The following ATP10A variants were observed in gnomAD, a reference collection of about 807,000 sequenced individuals.
ATP10A encodes the protein ATPase phospholipid transporting 10A (putative), also known as phospholipid-transporting ATPase VA.
A neutral mutation model predicts 147.8 loss-of-function variants in ATP10A; 111 were observed. The observed-to-expected ratio is 0.75, with a 90% CI of 0.64 to 0.88. The LOEUF is 0.88. Ranked by LOEUF, ATP10A falls within the 40% of genes least tolerant of loss-of-function variation. The pLI is 0.00. For synonymous variants in ATP10A, 875 were observed against 841.6 expected, an observed-to-expected ratio of 1.04 and a Z score of -0.69; for missense variants, 1,927 against 1,959.0, an observed-to-expected ratio of 0.98 and a Z score of 0.31.
chr15:25,801,650 C>T (rs898167218), intron 1 of ATP10A, among the ~76,000 whole-genome samples: 1 of 152,196 alleles, frequency 6.6e-6, no homozygotes, highest in African/African-American at 2.4e-5. Context: ...GGGACAGCTT[C>T]GCTTCAGGAA....
intron 2 of ATP10A, chr15:25,738,503 A>G (rs1887412195): frequency 6.6e-6 from 1 of 152,234 alleles, no homozygotes; most frequent in Admixed American, 6.5e-5. Context: ...ATGATAAAAA[A>G]TTTCATTTAC....
intron 9 of ATP10A, among the ~76,000 whole-genome samples, chr15:25,715,847 C>T (rs769207253): frequency 4.6e-5 from 7 of 152,258 alleles, no homozygotes; most frequent in Non-Finnish European, 7.4e-5. Context: ...CTGGGAGAGT[C>T]GGGGGCTGGG....
chr15:25,698,770 G>T (rs1900496480), intron 13 of ATP10A, among the ~76,000 whole-genome samples: 1 of 152,130 alleles, frequency 6.6e-6, no homozygotes, highest in Non-Finnish European at 1.5e-5. Flanking sequence ...TTTTGGATGG[G>T]TCTTTTGGGG....
At chr15:25,788,042 T>C (rs1890251920) in intron 1 of ATP10A, among the ~76,000 whole-genome samples, 1 of 152,136 alleles carries the variant, frequency 6.6e-6, no homozygotes. Flanking sequence ...TCAGGCTGAT[T>C]TGGTGGCTTT....
At chr15:25,830,553 C>T (rs1892311201) in intron 1 of ATP10A, among the ~76,000 whole-genome samples, 1 of 152,144 alleles carries the variant, frequency 6.6e-6, no homozygotes. Flanking sequence ...TGAACAGGCT[C>T]TCAGGAGGAG....
chr15:25,829,769 C>T (rs1336451339), intron 1 of ATP10A, among the ~76,000 whole-genome samples: 1 of 152,042 alleles, frequency 6.6e-6, no homozygotes, highest in East Asian at 1.9e-4. Flanking sequence ...TCCCAAGAGG[C>T]CAAGGCGTAG....
intron 1 of ATP10A, among the ~76,000 whole-genome samples, chr15:25,812,363 G>T (rs1891470894): frequency 6.6e-6 from 1 of 152,160 alleles, no homozygotes; most frequent in Non-Finnish European, 1.5e-5. Context: ...TTTCTACTTT[G>T]TAACACAGAG....
At chr15:25,803,125 G>A (rs1353824727) in intron 1 of ATP10A, among the ~76,000 whole-genome samples, 1 of 152,148 alleles carries the variant, frequency 6.6e-6, no homozygotes, top group Non-Finnish European at 1.5e-5. Context: ...TCTCACCCCG[G>A]GATGTAGCAA....
At chr15:25,745,314 C>T (rs775109746) in intron 2 of ATP10A, among the ~76,000 whole-genome samples, 7 of 151,724 alleles carry the variant, frequency 4.6e-5, no homozygotes, top group Non-Finnish European at 1.0e-4. Flanking sequence ...AATTGCACCA[C>T]TGCATTCCAG....
chr15:25,788,888 A>C (rs1890287716), intron 1 of ATP10A, among the ~76,000 whole-genome samples: 1 of 152,230 alleles, frequency 6.6e-6, no homozygotes, highest in African/African-American at 2.4e-5. Context: ...AATCTGTGTT[A>C]CATTCGACTA....
chr15:25,795,006 C>T (rs762070890), intron 1 of ATP10A, among the ~76,000 whole-genome samples: 2 of 152,296 alleles, frequency 1.3e-5, no homozygotes, highest in Middle Eastern at 3.4e-3. Context: ...GCTCATACCT[C>T]CCAATTTTAG....
At chr15:25,848,977 C>T (rs1318802874) in intron 1 of ATP10A, among the ~76,000 whole-genome samples, 2 of 151,940 alleles carry the variant, frequency 1.3e-5, no homozygotes, top group Non-Finnish European at 2.9e-5. Context: ...AGAAGGAGCT[C>T]GCCACACCTA....
In ATP10A at chr15:25,713,724, G is replaced by A; in HGVS notation, c.2294C>T (p.Thr765Ile). 1.2e-6 allele frequency: 2 copies of A among 1,614,156 alleles called. No individual in the cohort carries two copies. The change falls in exon 10 of 21, where the codon ACC (threonine) becomes ATC (isoleucine). Residue 765 changes from threonine (T) to isoleucine (I), a missense_variant. Coordinates refer to ENST00000555815, the MANE Select transcript of ATP10A (RefSeq NM_024490.4). ...CATGACCACTGAGTCGGCCCCCTTG[G>A]TGTAGACGTTGATCTCATCGGTAAG... ...HPLTDEINVY[T>I]KGADSVVMDL... is the part of the protein sequence containing the mutation.
intron 2 of ATP10A, among the ~76,000 whole-genome samples, chr15:25,779,845 AACACACACACAC>A (rs56111172): frequency 1.5e-3 from 215 of 147,372 alleles, no homozygotes; most frequent in South Asian, 5.4e-3. Flanking sequence ...AGAAGGTTAA[AACACACACACAC>A]ACACACACAC....
intron 1 of ATP10A, among the ~76,000 whole-genome samples, chr15:25,853,050 T>C (rs1893362056): frequency 6.6e-6 from 1 of 152,206 alleles, no homozygotes; most frequent in Non-Finnish European, 1.5e-5. Flanking sequence ...GGACAAAAAT[T>C]CTTAATTGCC....
At chr15:25,808,220 G>A (rs1286967268) in intron 1 of ATP10A, among the ~76,000 whole-genome samples, 1 of 152,066 alleles carries the variant, frequency 6.6e-6, no homozygotes, top group Non-Finnish European at 1.5e-5. Flanking sequence ...TTTTGTCAAG[G>A]TCTCATCATG....
intron 2 of ATP10A, among the ~76,000 whole-genome samples, chr15:25,775,050 C>T (rs371356864): frequency 2.0e-5 from 3 of 152,182 alleles, no homozygotes; most frequent in South Asian, 2.1e-4. Flanking sequence ...AATTACCATA[C>T]CCAGGCAGCT....
chr15:25,780,359 T>C (rs1187791673), intron 2 of ATP10A, among the ~76,000 whole-genome samples: 1 of 152,232 alleles, frequency 6.6e-6, no homozygotes, highest in Admixed American at 6.5e-5. Context: ...CATTTCCTTG[T>C]AGGGTCTTCC....
intron 15 of ATP10A, among the ~76,000 whole-genome samples, chr15:25,690,847 G>A (rs1355100873): frequency 1.3e-5 from 2 of 152,194 alleles, no homozygotes; most frequent in South Asian, 4.1e-4. Context: ...AACGTAACAC[G>A]GAGATTCCAG....
Sources: gnomAD v4.1 joint callset for allele counts (sites outside exome capture counted in the v4.1 genomes callset) on GRCh38, gnomAD v4.1.1 for gene constraint, MANE v1.5 for transcripts, NCBI Gene and HGNC (gene_info 2026-07-23, HGNC 2026-07-21) for gene names.